The following SULF2 variants were observed in gnomAD, a reference collection of about 807,000 sequenced individuals.
The protein encoded by SULF2 is sulfatase 2.
In SULF2, 52 loss-of-function variants were observed where a neutral mutation model predicts 107.7. The ratio of observed to expected loss-of-function variants is 0.48; its 90% CI spans 0.39 to 0.61. The LOEUF is 0.61. SULF2 is among the 20% of genes least tolerant of loss of function. The pLI, the probability that SULF2 is intolerant of heterozygous loss-of-function variation, is 0.00. For missense variants in SULF2, 993 were observed against 1,177.3 expected, an observed-to-expected ratio of 0.84 and a Z score of 2.29; for synonymous variants, 460 against 464.3, an observed-to-expected ratio of 0.99 and a Z score of 0.12.
chr20:47,672,610 C>T, intron 10 of SULF2: 1 of 929,054 alleles, frequency 1.1e-6, no homozygotes, highest in African/African-American at 1.8e-5. Flanking sequence ...ATGCCTCCGA[C>T]AGCCACCACT....
At chr20:47,771,837 C>T (rs2090636349) in intron 1 of SULF2, among the ~76,000 whole-genome samples, 1 of 152,204 alleles carries the variant, frequency 6.6e-6, no homozygotes, top group Non-Finnish European at 1.5e-5. Flanking sequence ...AAACATCTCC[C>T]AACCTGCCGG....
chr20:47,712,765 G>A (rs2088975520), intron 3 of SULF2, among the ~76,000 whole-genome samples: 1 of 152,344 alleles, frequency 6.6e-6, no homozygotes, highest in South Asian at 2.1e-4. Flanking sequence ...CTGGTGTGGT[G>A]GCTCACGCCT....
chr20:47,779,933 T>A (rs2090794613), intron 1 of SULF2, among the ~76,000 whole-genome samples: 1 of 151,946 alleles, frequency 6.6e-6, no homozygotes, highest in African/African-American at 2.4e-5. Context: ...TAAAATAAAG[T>A]CTAAAATTTC....
rs112251306 is a variant in SULF2 at position 47,667,560 on chromosome 20, G to A, written c.1577-1072C>T. Among the ~76,000 whole-genome samples, 446 of 152,264 alleles carry A rather than the reference G, an allele frequency of 2.9e-3. 8 individuals are homozygous for A. The highest frequency in any genetic ancestry group is 0.01 in the African/African-American group (420 of 41,548). On this transcript the variant is annotated intron_variant, in intron 11 of 20. Coordinates refer to ENST00000688720, the MANE Select transcript of SULF2 (RefSeq NM_001387048.1). ...CGGGCCCACAGTTCCATATGGTCAG[G>A]ACGGGCCGGGGATGGGCGGCCCCTT...
chr20:47,744,911 G>C (rs2089971431), intron 2 of SULF2, among the ~76,000 whole-genome samples: 1 of 152,100 alleles, frequency 6.6e-6, no homozygotes, highest in Admixed American at 6.5e-5. Context: ...TGTTAAAAGG[G>C]TTCAGCTGCT....
chr20:47,754,638 C>T (rs749626567), intron 2 of SULF2, among the ~76,000 whole-genome samples: 65 of 152,192 alleles, frequency 4.3e-4, no homozygotes, highest in Non-Finnish European at 7.1e-4. Context: ...CCACCGCATC[C>T]ACCTCCTAGA....
At chr20:47,719,339 G>C (rs34904367) in intron 3 of SULF2, among the ~76,000 whole-genome samples, 1,725 of 152,308 alleles carry the variant, frequency 0.011, 14 homozygotes, top group Non-Finnish European at 0.017. Flanking sequence ...ACACCAGGTG[G>C]TGTGTGACTT....
At chr20:47,758,176 T>C (rs2090338544) in intron 1 of SULF2, among the ~76,000 whole-genome samples, 2 of 150,614 alleles carry the variant, frequency 1.3e-5, no homozygotes, top group East Asian at 3.9e-4. Context: ...TTTTTTTTTT[T>C]TTTTTTTCCC....
In SULF2 at chr20:47,710,205, T is replaced by C. The variant is rs573215271; in HGVS notation, c.416-7535A>G. Among the ~76,000 whole-genome samples, 35 of 152,058 alleles carry C rather than the reference T, an allele frequency of 2.3e-4. 1 individual carries two copies. Among genetic ancestry groups the C allele is most frequent in the Middle Eastern group, 6.8e-3 (2 of 294 alleles). On this transcript the variant is annotated intron_variant, in intron 3 of 20. Coordinates refer to ENST00000688720, the MANE Select transcript of SULF2 (RefSeq NM_001387048.1). ...GCGTGAGCCACCGTGCCCAGCCTAA[T>C]GTTTTAATTTTTAGTAGAGATGGGG...
intron 10 of SULF2, among the ~76,000 whole-genome samples, chr20:47,675,433 A>C (rs1378594997): frequency 6.6e-6 from 1 of 152,128 alleles, no homozygotes; most frequent in Non-Finnish European, 1.5e-5. Context: ...TAATTGTGTG[A>C]CTAAGAGGGG....
chr20:47,775,327 A>C (rs1315371677), intron 1 of SULF2, among the ~76,000 whole-genome samples: 1 of 152,232 alleles, frequency 6.6e-6, no homozygotes, highest in African/African-American at 2.4e-5. Flanking sequence ...CAGAGCCCAC[A>C]TGGAGAATAA....
intron 3 of SULF2, among the ~76,000 whole-genome samples, chr20:47,721,594 T>C (rs2089299216): frequency 6.6e-6 from 1 of 152,186 alleles, no homozygotes; most frequent in Non-Finnish European, 1.5e-5. Flanking sequence ...GGTCTCGAAC[T>C]CCTGACCTCA....
At chr20:47,712,599 G>A (rs2088969396) in intron 3 of SULF2, among the ~76,000 whole-genome samples, 1 of 152,236 alleles carries the variant, frequency 6.6e-6, no homozygotes, top group Non-Finnish European at 1.5e-5. Context: ...TGCACACGGT[G>A]AGCAGTGGCC....
At chr20:47,747,759 C>A (rs1020386848) in intron 2 of SULF2, among the ~76,000 whole-genome samples, 9 of 152,000 alleles carry the variant, frequency 5.9e-5, no homozygotes, top group Non-Finnish European at 5.9e-5. Context: ...CCTCCTGCCC[C>A]CGCCTTCCCA....
chr20:47,769,661 C>A (rs2090592344), intron 1 of SULF2, among the ~76,000 whole-genome samples: 1 of 152,178 alleles, frequency 6.6e-6, no homozygotes. Flanking sequence ...ATGTTCCCGG[C>A]CCTATTCTTC....
At chr20:47,712,910 C>T (rs2088980655) in intron 3 of SULF2, among the ~76,000 whole-genome samples, 2 of 152,154 alleles carry the variant, frequency 1.3e-5, no homozygotes, top group Non-Finnish European at 2.9e-5. Flanking sequence ...TGCTGCACGC[C>T]TGTCGTTCCA....
In SULF2 at chr20:47,663,553, C is replaced by T. The variant is rs767543781; in HGVS notation, c.2127G>A (p.Lys709=). Residue 709 remains lysine, a synonymous_variant, in exon 16 of 21, where the codon AAG becomes AAA. Transcript: ENST00000688720. ...CGTTGTTCTGCAGGCGCTTGAGCAG[C>T]TTGCGGAGTTTCTTCTTGCGCTTCT... The part of the protein sequence containing the change: ...REQKRKKKLR[K]LLKRLQNNDT... 19 of 1,612,278 alleles carry T rather than the reference C, an allele frequency of 1.2e-5. No homozygotes were observed. The highest frequency in any genetic ancestry group is 2.2e-5 in the South Asian group (2 of 91,030).
At chr20:47,727,619 C>T (rs961192985) in intron 3 of SULF2, among the ~76,000 whole-genome samples, 1 of 152,198 alleles carries the variant, frequency 6.6e-6, no homozygotes. Flanking sequence ...ACATCAGCTT[C>T]CTCTTTCCCC....
intron 3 of SULF2, among the ~76,000 whole-genome samples, chr20:47,710,295 C>T: frequency 6.6e-6 from 1 of 151,830 alleles, no homozygotes; most frequent in Admixed American, 6.5e-5. Flanking sequence ...GCCTTGGCCT[C>T]CCAAGGTGCT....
Sources: allele counts gnomAD v4.1 joint callset (sites outside exome capture counted in the v4.1 genomes callset), GRCh38; gene constraint gnomAD v4.1.1; transcripts MANE v1.5; gene names NCBI Gene and HGNC (gene_info 2026-07-23, HGNC 2026-07-21).